Variants in ZNF609 observed in about 807,000 individuals in gnomAD.
The protein encoded by ZNF609 is zinc finger protein 609.
A neutral mutation model predicts 109.5 loss-of-function variants in ZNF609; 11 were observed. The ratio of observed to expected loss-of-function variants is 0.10; its 90% CI spans 0.06 to 0.17. The LOEUF is 0.17. Among genes scored for constraint, ZNF609 ranks in the 10% least tolerant of loss-of-function variants. ZNF609 has a pLI of 1.00. For synonymous variants in ZNF609, 646 were observed against 662.0 expected, an observed-to-expected ratio of 0.98 and a Z score of 0.37; for missense variants, 1,559 against 1,772.4, an observed-to-expected ratio of 0.88 and a Z score of 2.16.
chr15:64,580,132 A>G (rs911530956), intron 2 of ZNF609, among the ~76,000 whole-genome samples: 1 of 152,202 alleles, frequency 6.6e-6, no homozygotes, highest in African/African-American at 2.4e-5. Flanking sequence ...AGAGATTTAA[A>G]AATGGTATAC....
At chr15:64,653,363 C>G (rs192558163) in intron 3 of ZNF609, among the ~76,000 whole-genome samples, 55 of 151,890 alleles carry the variant, frequency 3.6e-4, no homozygotes, top group African/African-American at 1.3e-3. Flanking sequence ...TTCCTGGAAG[C>G]GCCAGGCGCA....
chr15:64,524,255 TAAA>T (rs937051602), intron 2 of ZNF609, among the ~76,000 whole-genome samples: 2 of 152,160 alleles, frequency 1.3e-5, no homozygotes, highest in Admixed American at 1.3e-4. Context: ...AAATTTCATG[TAAA>T]TGGAATCATA....
At chr15:64,500,828 G>A (rs117518314) in intron 2 of ZNF609, 2,741 of 175,294 alleles carry the variant, frequency 0.016, 33 homozygotes, top group Middle Eastern at 0.027. Context: ...TTCATGCCAG[G>A]TATCTCCCAC....
chr15:64,657,129 C>G (rs539668879), intron 3 of ZNF609, among the ~76,000 whole-genome samples: 1 of 151,830 alleles, frequency 6.6e-6, no homozygotes, highest in Non-Finnish European at 1.5e-5. Context: ...CATGGTGATG[C>G]GTGCCTGTAG....
chr15:64,512,907 C>G (rs1398471103), intron 2 of ZNF609, among the ~76,000 whole-genome samples: 1 of 151,936 alleles, frequency 6.6e-6, no homozygotes, highest in South Asian at 2.1e-4. Flanking sequence ...ATGGGTTTGG[C>G]GTGCAGATTA....
chr15:64,583,079 G>A (rs1895138779), intron 2 of ZNF609, among the ~76,000 whole-genome samples: 1 of 151,058 alleles, frequency 6.6e-6, no homozygotes, highest in African/African-American at 2.4e-5. Context: ...TGTTGCCCAG[G>A]CTTGAGTGCA....
In ZNF609 at chr15:64,685,542, C is replaced by T. The variant is rs1446443861; in HGVS notation, c.*3856C>T. 1 of 152,806 alleles carries T rather than the reference C, an allele frequency of 6.5e-6. No individual in the cohort carries two copies. The highest frequency in any genetic ancestry group is 1.5e-5 in the Non-Finnish European group (1 of 68,184). The allele number at this position is 152,806 out of a possible 1,614,324, so 9.5% of individuals were successfully genotyped here. A position where few individuals can be genotyped will look rare whatever the true frequency, so the allele number is the denominator to read the frequency against. On this transcript the variant is annotated 3_prime_UTR_variant, in exon 10 of 10. Coordinates refer to ENST00000326648, the MANE Select transcript of ZNF609 (RefSeq NM_015042.2). ...GTGCCCTGGCCTCCCCTCTCTTCAC[C>T]TTTAGATTTCCATTCACCGAAGTGG...
intron 4 of ZNF609, among the ~76,000 whole-genome samples, chr15:64,671,108 G>T (rs1278386770): frequency 6.7e-6 from 1 of 149,990 alleles, no homozygotes; most frequent in Non-Finnish European, 1.5e-5. Flanking sequence ...TACTCGGGAG[G>T]CTGAGGCAGG....
chr15:64,651,412 T>C (rs1426437092), intron 3 of ZNF609, among the ~76,000 whole-genome samples: 2 of 152,218 alleles, frequency 1.3e-5, no homozygotes, highest in African/African-American at 4.8e-5. Flanking sequence ...AATTGTGAAC[T>C]GAAAGAGATC....
chr15:64,607,038 G>C (rs889227222), intron 2 of ZNF609, among the ~76,000 whole-genome samples: 1 of 152,096 alleles, frequency 6.6e-6, no homozygotes, highest in African/African-American at 2.4e-5. Context: ...CAGCTACTCG[G>C]GAGGCTGAGG....
At chr15:64,489,612 T>A (rs579447) in intron 1 of ZNF609, among the ~76,000 whole-genome samples, 110,477 of 147,158 alleles carry the variant, frequency 0.75, 44,522 homozygotes, top group East Asian at 0.96. Flanking sequence ...TCACTGCAAC[T>A]TCTGCCTCCT....
chr15:64,677,441 G>A (rs1252909974), intron 5 of ZNF609, among the ~76,000 whole-genome samples: 1 of 152,184 alleles, frequency 6.6e-6, no homozygotes, highest in East Asian at 1.9e-4. Context: ...GGGGTTACTT[G>A]AGACCTCACT....
intron 2 of ZNF609, among the ~76,000 whole-genome samples, chr15:64,619,696 G>A (rs1895849935): frequency 6.6e-6 from 1 of 152,172 alleles, no homozygotes; most frequent in Non-Finnish European, 1.5e-5. Context: ...ATCAGTAAGG[G>A]TAGTTTGATG....
rs200310050 is a variant in ZNF609, at chr15:64,564,835, CACTA to C, written c.748-57988_748-57985del. Among the ~76,000 whole-genome samples the C allele has an allele frequency of 4.1e-3, 626 of 151,322 alleles. 17 individuals carry two copies. The highest frequency in any genetic ancestry group is 0.038 in the Admixed American group (574 of 15,202). On this transcript the variant is annotated intron_variant, in intron 2 of 9. Coordinates refer to ENST00000326648, the MANE Select transcript of ZNF609 (RefSeq NM_015042.2). ...CTGATACATTGTTATACACATTGCT[CACTA>C]ACTGTTTTTTTTTTTTTTTCTTTTT...
chr15:64,474,522 C>T (rs1773796598), intron 1 of ZNF609, among the ~76,000 whole-genome samples: 4 of 152,124 alleles, frequency 2.6e-5, no homozygotes, highest in African/African-American at 4.8e-5. Flanking sequence ...TTAATCTGAC[C>T]TAGTTCAGGT....
At chr15:64,648,276 A>G (rs867447218) in intron 3 of ZNF609, among the ~76,000 whole-genome samples, 10 of 152,210 alleles carry the variant, frequency 6.6e-5, no homozygotes, top group Non-Finnish European at 4.4e-5. Context: ...GCTTGAGCCC[A>G]TAAGTTTGAG....
intron 1 of ZNF609, among the ~76,000 whole-genome samples, chr15:64,490,916 A>G (rs952581664): frequency 2.0e-5 from 3 of 152,180 alleles, no homozygotes; most frequent in African/African-American, 4.8e-5. Context: ...CTATAAAACT[A>G]TTGATGAGTT....
At chr15:64,561,616 G>A (rs929622389) in intron 2 of ZNF609, among the ~76,000 whole-genome samples, 1 of 145,550 alleles carries the variant, frequency 6.9e-6, no homozygotes, top group East Asian at 2.0e-4. Context: ...GGCTAGCCAC[G>A]AACTCCTGGG....
At chr15:64,538,936 G>T (rs1008672362) in intron 2 of ZNF609, among the ~76,000 whole-genome samples, 1 of 152,110 alleles carries the variant, frequency 6.6e-6, no homozygotes, top group Non-Finnish European at 1.5e-5. Context: ...CTGGGCTCAC[G>T]CAATCGTCCC....
Sources: gnomAD v4.1 joint callset for allele counts (sites outside exome capture counted in the v4.1 genomes callset) on GRCh38, gnomAD v4.1.1 for gene constraint, MANE v1.5 for transcripts, NCBI Gene and HGNC (gene_info 2026-07-23, HGNC 2026-07-21) for gene names.